Variants in PPM1B observed in about 807,000 individuals in gnomAD.
PPM1B encodes the protein protein phosphatase, Mg2+/Mn2+ dependent 1B.
A neutral mutation model predicts 43.0 loss-of-function variants in PPM1B; 22 were observed. That is an observed-to-expected ratio of 0.51 (90% confidence interval 0.37 to 0.73). The LOEUF is 0.73. PPM1B is among the 30% of genes least tolerant of loss of function. PPM1B has a pLI of 0.00. For synonymous variants in PPM1B, 217 were observed against 197.9 expected (o/e 1.10, Z -0.81); for missense variants, 632 against 584.2 (o/e 1.08, Z -0.84).
chr2:44,201,425 T>C lies in PPM1B; in HGVS notation c.226T>C (p.Leu76=). The C allele has an allele frequency of 6.2e-7, 1 of 1,614,158 alleles. No individual in the cohort carries two copies. Among genetic ancestry groups the C allele is most frequent in the Non-Finnish European group, 8.5e-7 (1 of 1,180,010 alleles). Residue 76 remains leucine (L), a synonymous_variant, in exon 2 of 6, where the codon TTA becomes CTA. Transcript: ENST00000282412. This position sits in a 1 kb window ranked among gnomAD's most constrained non-coding sequence, Gnocchi z 5.4. ...GGCAAATTACTGCTCAACACATTTA[T>C]TAGAACACATCACTACTAACGAAGA... ...RVANYCSTHL[L]EHITTNEDFR...
chr2:44,181,381 G>T (rs745817797), intron 1 of PPM1B, among the ~76,000 whole-genome samples: 1 of 151,990 alleles, frequency 6.6e-6, no homozygotes, highest in Non-Finnish European at 1.5e-5. Context: ...ATTAGAGAAG[G>T]TTCTTGATAA....
intron 2 of PPM1B, among the ~76,000 whole-genome samples, chr2:44,204,183 C>T (rs141733952): frequency 6.6e-6 from 1 of 152,142 alleles, no homozygotes; most frequent in Non-Finnish European, 1.5e-5. Flanking sequence ...TATTTTTGAA[C>T]CTTTGAAAGT....
At chr2:44,213,616 A>G (rs993477007) in intron 3 of PPM1B, 1 of 152,134 alleles carries the variant, frequency 6.6e-6, no homozygotes, top group African/African-American at 2.4e-5. Flanking sequence ...ACAACTATCT[A>G]GCTATGCACC....
At chr2:44,224,660 C>T (rs186544592) in intron 5 of PPM1B, among the ~76,000 whole-genome samples, 6 of 150,486 alleles carry the variant, frequency 4.0e-5, no homozygotes, top group Admixed American at 6.7e-5. Context: ...ATGAGAGATT[C>T]GACTTTTAAG....
At position 44,231,277 on chromosome 2, in the gene PPM1B, A is replaced by T; in HGVS notation, c.*559A>T. ...ATTTTTAGAAGTTGTGAGATATTGG[A>T]TGTGTGGCTATTTTTCCTTTCTCTG... is the stretch of plus-strand genomic sequence containing the variant. On this transcript the variant is annotated 3_prime_UTR_variant, in exon 6 of 6. Coordinates refer to ENST00000282412, the MANE Select transcript of PPM1B (RefSeq NM_002706.6). The T allele has an allele frequency of 1.0e-6, 1 of 977,170 alleles. No homozygotes were observed. The highest frequency in any genetic ancestry group is 1.2e-6 in the Non-Finnish European group (1 of 822,514). 60.5% of individuals were successfully genotyped at this position (977,170 alleles called of 1,614,324 possible).
At chr2:44,237,520 G>T (rs1286206657), downstream of PPM1B, among the ~76,000 whole-genome samples, 1 of 152,098 alleles carries the variant, frequency 6.6e-6, no homozygotes, top group East Asian at 1.9e-4. Context: ...AGAGGTGAGG[G>T]GCACTTAGGA....
chr2:44,229,987 A>G, intron 5 of PPM1B: 4 of 1,578,486 alleles, frequency 2.5e-6, no homozygotes, highest in South Asian at 2.3e-5. Context: ...TTTCCTACTT[A>G]TTTAGCAGAA....
Position 44,230,473 on chromosome 2 carries a change from A to G in PPM1B, c.1195A>G (p.Met399Val), listed in dbSNP as rs774037800. The change falls in exon 6 of 6, where the codon ATG becomes GTG. Residue 399 changes from methionine (M) to valine (V), a missense_variant. Physicochemically the swap from Met to Val is conservative, Grantham distance 21. Transcript: ENST00000282412. ...AAAATTGGTGGAAGCTCTCAGGCAA[A>G]TGAGAATTAATCATAGGGGAAACTA... Reference protein sequence around the residue: ...QGKLVEALRQMRINHRGNYRQ... With the variant: ...QGKLVEALRQVRINHRGNYRQ... The G allele has an allele frequency of 1.8e-5, 29 of 1,614,072 alleles. 1 individual carries two copies. The highest frequency in any genetic ancestry group is 2.2e-5 in the Non-Finnish European group (26 of 1,180,026).
At chr2:44,230,368 T>G (rs777703190) in intron 5 of PPM1B, 45 bp from the exon 6 acceptor site, 9 of 1,594,764 alleles carry the variant, frequency 5.6e-6, no homozygotes, top group Non-Finnish European at 7.7e-6. Context: ...ACATGTGATA[T>G]CCTAGTTTGT....
rs190829696 is a variant in PPM1B at position 44,173,341 on chromosome 2, A to G, written c.-15+4067A>G. 4.5e-4 allele frequency among the ~76,000 whole-genome samples: 68 copies of G among 152,346 alleles called. No individual in the cohort carries two copies. The East Asian group carries it at 6.7e-3, about 15-fold the overall frequency. On this transcript the variant is annotated intron_variant, in intron 1 of 5. Coordinates refer to ENST00000282412, the MANE Select transcript of PPM1B (RefSeq NM_002706.6). ...TTTGAGATTTAGTTTTTAGTAACAT[A>G]TAACATCCTAGGAAACATAAATACT...
In PPM1B at chr2:44,170,814, G is replaced by A. The variant is rs1667301550; in HGVS notation, c.-15+1540G>A. ...GGTAATTTTTTAAGGAAATGTTTTT[G>A]TAGGTCTGCCAAATGGACAGTGTGT... On this transcript the variant is annotated intron_variant, in intron 1 of 5. Coordinates refer to ENST00000282412, the MANE Select transcript of PPM1B (RefSeq NM_002706.6). Among the ~76,000 whole-genome samples, 4 of 152,316 alleles carry A rather than the reference G, an allele frequency of 2.6e-5. No homozygotes were observed. The South Asian group carries it at 8.3e-4, about 32-fold the overall frequency.
chr2:44,209,151 G>A (rs1232811983), intron 2 of PPM1B, 59 bp from the exon 3 acceptor site: 5 of 1,373,638 alleles, frequency 3.6e-6, no homozygotes. Flanking sequence ...GTATTTTGAA[G>A]TAAATAATAG....
At chr2:44,218,370 T>C in intron 4 of PPM1B, 110 bp from the exon 5 acceptor site, 1 of 808,946 alleles carries the variant, frequency 1.2e-6, no homozygotes, top group East Asian at 2.6e-5. Context: ...TTGACAAGTA[T>C]AGAGTGTACC....
At chr2:44,182,911 C>T (rs748775253) in intron 1 of PPM1B, among the ~76,000 whole-genome samples, 2 of 152,034 alleles carry the variant, frequency 1.3e-5, no homozygotes, top group Admixed American at 6.6e-5. Context: ...GCATTTATTT[C>T]AGAGTTTATG....
chr2:44,235,550 C>G (rs1287788543), downstream of PPM1B, among the ~76,000 whole-genome samples: 3 of 143,634 alleles, frequency 2.1e-5, no homozygotes, highest in Non-Finnish European at 4.5e-5. Context: ...TTGCAGTGAG[C>G]TGAGATCGTG....
At chr2:44,246,731 A>C (rs1363006986), downstream of PPM1B, among the ~76,000 whole-genome samples, 2 of 152,120 alleles carry the variant, frequency 1.3e-5, no homozygotes, top group African/African-American at 4.8e-5. Context: ...GGTCCTTGCA[A>C]ATTTTTGGTG....
chr2:44,218,657 C>T (rs1383817415), intron 5 of PPM1B, 120 bp downstream of exon 5: 12 of 674,906 alleles, frequency 1.8e-5, no homozygotes, highest in Middle Eastern at 3.6e-4. Flanking sequence ...ATTACTACTG[C>T]TTTTCATTTT....
At chr2:44,234,444 A>T, downstream of PPM1B, 6 of 659,290 alleles carry the variant, frequency 9.1e-6, no homozygotes, top group Non-Finnish European at 1.1e-5. Flanking sequence ...GCTTGAACCC[A>T]GGAGGCGGAG....
At chr2:44,196,260 T>C (rs1310528437) in intron 1 of PPM1B, among the ~76,000 whole-genome samples, 1 of 152,204 alleles carries the variant, frequency 6.6e-6, no homozygotes, top group Non-Finnish European at 1.5e-5. Flanking sequence ...TCTCAGGCTT[T>C]CCTTGTTTTT....
Sources: allele counts gnomAD v4.1 joint callset (sites outside exome capture counted in the v4.1 genomes callset), GRCh38; gene constraint gnomAD v4.1.1; non-coding constraint Gnocchi (gnomAD v3.1); transcripts MANE v1.5; gene names NCBI Gene and HGNC (gene_info 2026-07-23, HGNC 2026-07-21).